IGSF21: variants seen among roughly 807,000 people sequenced by gnomAD.
IGSF21 encodes the protein immunoglobin superfamily member 21.
In IGSF21, 28 loss-of-function variants were observed where a neutral mutation model predicts 46.8. The observed-to-expected ratio is 0.60, with a 90% CI of 0.44 to 0.82. IGSF21 has a LOEUF of 0.82. Among genes scored for constraint, IGSF21 ranks in the 40% least tolerant of loss-of-function variants. The pLI, the probability that IGSF21 is intolerant of heterozygous loss-of-function variation, is 0.00. For synonymous variants in IGSF21, 284 were observed against 273.6 expected, an observed-to-expected ratio of 1.04 and a Z score of -0.38; for missense variants, 624 against 665.5, an observed-to-expected ratio of 0.94 and a Z score of 0.69.
intron 1 of IGSF21, among the ~76,000 whole-genome samples, chr1:18,116,120 A>T (rs989338306): frequency 1.5e-4 from 23 of 152,184 alleles, no homozygotes; most frequent in Non-Finnish European, 7.3e-5. Flanking sequence ...ATTCACACCC[A>T]GGCATTGATT....
At chr1:18,177,883 G>C (rs149806020) in intron 1 of IGSF21, among the ~76,000 whole-genome samples, 9 of 152,118 alleles carry the variant, frequency 5.9e-5, no homozygotes, top group African/African-American at 1.9e-4. Flanking sequence ...GATCTCCTAG[G>C]GGGTGGATGA....
At chr1:18,227,204 A>G (rs182832271) in intron 1 of IGSF21, among the ~76,000 whole-genome samples, 3 of 152,272 alleles carry the variant, frequency 2.0e-5, no homozygotes, top group East Asian at 3.9e-4. Flanking sequence ...TTTAGGTGGC[A>G]AAGTATGTGT....
intron 1 of IGSF21, among the ~76,000 whole-genome samples, chr1:18,120,406 A>T (rs2086224864): frequency 6.6e-6 from 1 of 152,158 alleles, no homozygotes; most frequent in African/African-American, 2.4e-5. Flanking sequence ...GGTGCCACCC[A>T]TTGATCAAAC....
At chr1:18,210,128 C>T (rs549362990) in intron 1 of IGSF21, among the ~76,000 whole-genome samples, 1 of 152,238 alleles carries the variant, frequency 6.6e-6, no homozygotes, top group South Asian at 2.1e-4. Context: ...GCTGATGTTT[C>T]TCTTGCTGGA....
At chr1:18,278,460 C>T (rs184338108) in intron 2 of IGSF21, among the ~76,000 whole-genome samples, 86 of 151,940 alleles carry the variant, frequency 5.7e-4, no homozygotes, top group Non-Finnish European at 2.9e-4. Flanking sequence ...AGGCTGGTCT[C>T]GAACTCCTAA....
intron 3 of IGSF21, among the ~76,000 whole-genome samples, chr1:18,315,791 T>G (rs78713849): frequency 6.8e-6 from 1 of 148,006 alleles, no homozygotes; most frequent in Admixed American, 6.8e-5. Flanking sequence ...GAGAAGTGAA[T>G]GAATGGATGG....
intron 3 of IGSF21, among the ~76,000 whole-genome samples, chr1:18,314,978 A>G (rs1379514157): frequency 1.3e-5 from 2 of 152,126 alleles, no homozygotes; most frequent in Non-Finnish European, 2.9e-5. Flanking sequence ...TGGGAAGTTC[A>G]TCAGAGATCA....
At chr1:18,345,927 C>T (rs2085888509) in intron 4 of IGSF21, among the ~76,000 whole-genome samples, 1 of 152,186 alleles carries the variant, frequency 6.6e-6, no homozygotes, top group African/African-American at 2.4e-5. Context: ...TGGAATGTGG[C>T]TTTTGAAAGT....
chr1:18,124,464 G>A (rs1023005822), intron 1 of IGSF21, among the ~76,000 whole-genome samples: 5 of 152,170 alleles, frequency 3.3e-5, no homozygotes, highest in African/African-American at 1.2e-4. Flanking sequence ...GAACCCATTT[G>A]GCCTGCTTCC....
intron 1 of IGSF21, chr1:18,114,122 T>C (rs1235231508): frequency 6.6e-6 from 1 of 152,146 alleles, no homozygotes. Flanking sequence ...CAGAGGATGG[T>C]TCATGGCCCT....
intron 1 of IGSF21, among the ~76,000 whole-genome samples, chr1:18,120,826 C>T (rs1311997034): frequency 3.3e-5 from 5 of 152,178 alleles, no homozygotes; most frequent in East Asian, 3.9e-4. Flanking sequence ...AGCGGAAGCA[C>T]TAGCGCTCTC....
In IGSF21 at chr1:18,181,690, G is replaced by T. The variant is rs534019107; in HGVS notation, c.71-46208G>T. 3.3e-5 allele frequency among the ~76,000 whole-genome samples: 5 copies of T among 152,262 alleles called. No homozygotes were observed. The South Asian group carries it at 1.0e-3, about 32-fold the overall frequency. ...CAAGGATTTGCAGAAGATGGGAACAGGGGAGGCCTTCTGAATATAGTGACT... is the reference window on the plus strand; with the variant it reads ...CAAGGATTTGCAGAAGATGGGAACATGGGAGGCCTTCTGAATATAGTGACT... On this transcript the variant is annotated intron_variant, in intron 1 of 9. Transcript: ENST00000251296.
chr1:18,336,364 T>C (rs751462370), intron 4 of IGSF21, among the ~76,000 whole-genome samples: 1 of 152,228 alleles, frequency 6.6e-6, no homozygotes, highest in Non-Finnish European at 1.5e-5. Flanking sequence ...GTGCTTTACA[T>C]GTGTTATGTC....
At chr1:18,233,120 T>C (rs991056114) in intron 2 of IGSF21, among the ~76,000 whole-genome samples, 6 of 152,224 alleles carry the variant, frequency 3.9e-5, no homozygotes, top group African/African-American at 1.2e-4. Flanking sequence ...TTTTCTCTCC[T>C]TCTTTTACAA....
intron 3 of IGSF21, among the ~76,000 whole-genome samples, chr1:18,323,080 G>A (rs1463437095): frequency 6.6e-6 from 1 of 152,188 alleles, no homozygotes; most frequent in African/African-American, 2.4e-5. Context: ...TGGCTTGGAT[G>A]ATCTAGGATC....
At chr1:18,227,646 G>T (rs2084582027) in intron 1 of IGSF21, among the ~76,000 whole-genome samples, 1 of 151,702 alleles carries the variant, frequency 6.6e-6, no homozygotes, top group Non-Finnish European at 1.5e-5. Flanking sequence ...TTGGTTTGGA[G>T]GGATCCATTG....
At chr1:18,360,298 A>G (rs972307680) in intron 4 of IGSF21, among the ~76,000 whole-genome samples, 1 of 152,036 alleles carries the variant, frequency 6.6e-6, no homozygotes. Flanking sequence ...CAATTCTCCA[A>G]CTATTGTTCT....
chr1:18,150,377 C>A (rs1375092362), intron 1 of IGSF21, among the ~76,000 whole-genome samples: 2 of 151,594 alleles, frequency 1.3e-5, no homozygotes, highest in Non-Finnish European at 2.9e-5. Flanking sequence ...AGACAGTTCA[C>A]TTGTAACAAG....
chr1:18,329,711 G>A (rs76585344), intron 3 of IGSF21, among the ~76,000 whole-genome samples: 2,967 of 152,244 alleles, frequency 0.019, 31 homozygotes, highest in Non-Finnish European at 0.029. Flanking sequence ...AACATTATAG[G>A]CACAAGCATG....
Sources: gnomAD v4.1 joint callset for allele counts (sites outside exome capture counted in the v4.1 genomes callset) on GRCh38, gnomAD v4.1.1 for gene constraint, MANE v1.5 for transcripts, NCBI Gene and HGNC (gene_info 2026-07-23, HGNC 2026-07-21) for gene names.